The following CELF2 variants were observed in gnomAD, a reference collection of about 807,000 sequenced individuals.
The protein encoded by CELF2 is CUGBP Elav-like family member 2.
CELF2 carries 8 observed loss-of-function variants against 62.6 expected under a neutral mutation model. The ratio of observed to expected loss-of-function variants is 0.13; its 90% CI spans 0.07 to 0.23. CELF2 has a LOEUF of 0.23. Among genes scored for constraint, CELF2 ranks in the 10% least tolerant of loss-of-function variants. CELF2 has a pLI of 1.00. For synonymous variants in CELF2, 258 were observed against 250.0 expected (o/e 1.03, Z -0.30); for missense variants, 333 against 671.0 (o/e 0.50, Z 5.56).
chr10:10,867,636 C>T (rs1466036227), intron 1 of CELF2, among the ~76,000 whole-genome samples: 1 of 152,182 alleles, frequency 6.6e-6, no homozygotes, highest in Non-Finnish European at 1.5e-5. Flanking sequence ...AACCCATGGG[C>T]CATGCCTTCA....
At chr10:10,841,875 A>G (rs182002853) in intron 1 of CELF2, among the ~76,000 whole-genome samples, 3 of 152,258 alleles carry the variant, frequency 2.0e-5, no homozygotes, top group Non-Finnish European at 4.4e-5. Context: ...CTATAAATCA[A>G]ATTGGGAACA....
chr10:10,518,153 C>T, the CELF2 span, among the ~76,000 whole-genome samples: 44 of 152,338 alleles, frequency 2.9e-4, no homozygotes, highest in African/African-American at 9.9e-4. Flanking sequence ...ACCATCAACC[C>T]ATTCTGAATT....
At chr10:10,890,651 G>A (rs1357814918) in intron 1 of CELF2, among the ~76,000 whole-genome samples, 1 of 152,172 alleles carries the variant, frequency 6.6e-6, no homozygotes, top group Non-Finnish European at 1.5e-5. Context: ...GGTTTTAGTT[G>A]TTCTCCACAT....
the CELF2 span, among the ~76,000 whole-genome samples, chr10:10,735,088 AC>A: frequency 3.3e-5 from 5 of 152,224 alleles, no homozygotes; most frequent in Non-Finnish European, 7.3e-5. Flanking sequence ...AAATAGGGTT[AC>A]TTGAAAGGAC....
the CELF2 span, among the ~76,000 whole-genome samples, chr10:10,695,136 G>A: frequency 2.9e-4 from 43 of 149,108 alleles, 1 homozygote; most frequent in African/African-American, 8.5e-4. Flanking sequence ...ATTTTGCAGC[G>A]GCTGGTACCG....
At chr10:10,835,390 T>G (rs990883918) in intron 1 of CELF2, among the ~76,000 whole-genome samples, 2 of 151,888 alleles carry the variant, frequency 1.3e-5, no homozygotes, top group Non-Finnish European at 2.9e-5. Flanking sequence ...TTGATTTTTT[T>G]TTTTTTTTCT....
chr10:10,478,543 T>G, the CELF2 span, among the ~76,000 whole-genome samples: 1 of 152,186 alleles, frequency 6.6e-6, no homozygotes, highest in South Asian at 2.1e-4. Context: ...TAAATGTGCC[T>G]AAATCTAAAA....
In CELF2 at chr10:11,237,499, G is replaced by A. The variant is rs2071902047; in HGVS notation, c.355-11654G>A. ...GGTGGACAGAGTCGAGCCCTGCAAA[G>A]AGGCTCAGAAGATCCAGGTGAGGAG... On this transcript the variant is annotated intron_variant, in intron 3 of 12. Transcript: ENST00000633077. This position sits in a 1 kb window ranked among gnomAD's most constrained non-coding sequence, Gnocchi z 4.0. Among the ~76,000 whole-genome samples, 1 of 152,194 alleles carries A rather than the reference G, an allele frequency of 6.6e-6. No homozygotes were observed. The highest frequency in any genetic ancestry group is 2.1e-4 in the South Asian group (1 of 4,828).
chr10:10,771,008 T>C, the CELF2 span, among the ~76,000 whole-genome samples: 1 of 152,186 alleles, frequency 6.6e-6, no homozygotes, highest in Non-Finnish European at 1.5e-5. Flanking sequence ...TGCAAATTCT[T>C]CCATTAAAGA....
intron 1 of CELF2, among the ~76,000 whole-genome samples, chr10:11,138,423 G>A (rs947299962): frequency 1.3e-5 from 2 of 152,178 alleles, no homozygotes; most frequent in African/African-American, 4.8e-5. Context: ...GCTTCTGAGT[G>A]GCCATTGCTG....
rs972407118 is a variant in CELF2 at position 11,305,563 on chromosome 10, A to G, written c.977-8576A>G. Reference sequence around the variant, plus strand: ...TATTGTCAGTGGGATTAGGAAGAGAAGGAAGGTTGGGGGGTTCAGCTCTCA... The same window carrying G: ...TATTGTCAGTGGGATTAGGAAGAGAGGGAAGGTTGGGGGGTTCAGCTCTCA... On this transcript the variant is annotated intron_variant, in intron 9 of 12. Coordinates refer to ENST00000633077, the MANE Select transcript of CELF2 (RefSeq NM_001326342.2). The surrounding 1 kb of genome is among the most constrained non-coding windows in gnomAD (Gnocchi z 4.8). Among the ~76,000 whole-genome samples the G allele has an allele frequency of 3.3e-5, 5 of 152,228 alleles. No homozygotes were observed. The highest frequency in any genetic ancestry group is 1.2e-4 in the African/African-American group (5 of 41,464).
the CELF2 span, among the ~76,000 whole-genome samples, chr10:10,577,699 T>TGATGCA: frequency 1.2e-4 from 18 of 152,268 alleles, no homozygotes; most frequent in African/African-American, 4.1e-4. Context: ...TCATCATTTT[T>TGATGCA]TATGGCTGCA....
chr10:11,116,652 G>A (rs886573224), intron 1 of CELF2, among the ~76,000 whole-genome samples: 1 of 152,212 alleles, frequency 6.6e-6, no homozygotes, highest in African/African-American at 2.4e-5. Context: ...ATGTCCAGTG[G>A]TGGTCCCTTC....
At chr10:10,869,563 T>TG (rs1394262937) in intron 1 of CELF2, among the ~76,000 whole-genome samples, 1 of 94,412 alleles carries the variant, frequency 1.1e-5, no homozygotes, top group South Asian at 3.6e-4. Context: ...AGACTTCATC[T>TG]GGGGGAAAAA....
At chr10:10,581,859 G>A in the CELF2 span, among the ~76,000 whole-genome samples, 1 of 152,010 alleles carries the variant, frequency 6.6e-6, no homozygotes, top group African/African-American at 2.4e-5. Context: ...GAAACCCGAT[G>A]TCTACTAAAA....
intron 1 of CELF2, among the ~76,000 whole-genome samples, chr10:11,096,675 A>G (rs979492397): frequency 2.6e-5 from 4 of 152,184 alleles, no homozygotes; most frequent in African/African-American, 9.7e-5. Flanking sequence ...TTTGACCGAA[A>G]TGACAAAACC....
chr10:10,971,937 T>C (rs2050797614), intron 2 of CELF2, among the ~76,000 whole-genome samples: 1 of 152,162 alleles, frequency 6.6e-6, no homozygotes. Flanking sequence ...TGAGATATAA[T>C]TGGAAAATAA....
chr10:11,115,992 T>C (rs887628651), intron 1 of CELF2, among the ~76,000 whole-genome samples: 2 of 152,230 alleles, frequency 1.3e-5, no homozygotes, highest in African/African-American at 4.8e-5. Flanking sequence ...TTTTTCCCTG[T>C]AGCAGCCAGC....
At chr10:11,226,774 T>C (rs559174564) in intron 3 of CELF2, among the ~76,000 whole-genome samples, 24 of 151,970 alleles carry the variant, frequency 1.6e-4, no homozygotes, top group Admixed American at 2.6e-4. Flanking sequence ...CTAGAGACTT[T>C]TGGGTGTGAA....
Sources: allele counts gnomAD v4.1 joint callset (sites outside exome capture counted in the v4.1 genomes callset), GRCh38; gene constraint gnomAD v4.1.1; non-coding constraint Gnocchi (gnomAD v3.1); transcripts MANE v1.5; gene names NCBI Gene and HGNC (gene_info 2026-07-23, HGNC 2026-07-21).